The following RPS6KA6 variants were observed in gnomAD, a reference collection of about 807,000 sequenced individuals.
RPS6KA6 encodes the protein ribosomal protein S6 kinase alpha-6.
RPS6KA6 carries 27 observed loss-of-function variants against 65.4 expected under a neutral mutation model. The ratio of observed to expected loss-of-function variants is 0.41; its 90% CI spans 0.30 to 0.57. The LOEUF is 0.57. RPS6KA6 is among the 20% of genes least tolerant of loss of function. The pLI is 0.24. For synonymous variants in RPS6KA6, 190 were observed against 184.2 expected (o/e 1.03, Z -0.26); for missense variants, 486 against 555.6 (o/e 0.87, Z 1.26).
At chrX:84,175,889 C>T (rs2035759227) in intron 1 of RPS6KA6, among the ~76,000 whole-genome samples, 1 of 110,630 alleles carries the variant, frequency 9.0e-6, no homozygotes, top group Non-Finnish European at 1.9e-5. Context: ...TATCTAGTAA[C>T]ACAACACTAT....
At chrX:84,160,074 G>C (rs2035486970) in intron 2 of RPS6KA6, among the ~76,000 whole-genome samples, 1 of 111,217 alleles carries the variant, frequency 9.0e-6, no homozygotes, top group African/African-American at 3.3e-5. Context: ...CATAATCTTA[G>C]CTGATCTTTG....
chrX:84,133,124 A>T (rs2034932144), intron 8 of RPS6KA6, among the ~76,000 whole-genome samples: 1 of 112,062 alleles, frequency 8.9e-6, no homozygotes, highest in African/African-American at 3.2e-5. Context: ...TGTGGGAGTT[A>T]TTTATATTCT....
rs772627561 is a variant in RPS6KA6, at chrX:84,096,327, A to G, written c.1854-16T>C. ...TGGAGTGTAGCTATTAATAAAATAG[A>G]TTTTAATAGACACTAGAGGGTAACA... is the stretch of plus-strand genomic sequence containing the variant. On this transcript the variant is annotated splice_polypyrimidine_tract_variant and intron_variant, in intron 19 of 21. Coordinates refer to ENST00000262752, the MANE Select transcript of RPS6KA6 (RefSeq NM_014496.5). 3 of 885,698 alleles carry G rather than the reference A, an allele frequency of 3.4e-6. No homozygotes were observed. The highest frequency in any genetic ancestry group is 4.7e-6 in the Non-Finnish European group (3 of 633,791). The allele number at this position is 885,698 out of a possible 1,213,427, so 73.0% of individuals were successfully genotyped here.
At chrX:84,152,798 A>G (rs775693438) in intron 3 of RPS6KA6, among the ~76,000 whole-genome samples, 17 of 111,694 alleles carry the variant, frequency 1.5e-4, no homozygotes, top group Non-Finnish European at 2.3e-4. Context: ...TTAATATGTT[A>G]AAGTCCTAAC....
chrX:84,110,426 G>C (rs1404367956), intron 12 of RPS6KA6, among the ~76,000 whole-genome samples: 1 of 112,059 alleles, frequency 8.9e-6, no homozygotes, highest in East Asian at 2.8e-4. Context: ...AAAAAGGTCA[G>C]GGAACCTGGC....
chrX:84,157,626 G>A (rs2035439024), intron 2 of RPS6KA6, among the ~76,000 whole-genome samples: 1 of 110,587 alleles, frequency 9.0e-6, no homozygotes, highest in Non-Finnish European at 1.9e-5. Flanking sequence ...ACATGACAAA[G>A]GGGTTTTGTT....
At chrX:84,111,556 G>A (rs761086137) in intron 12 of RPS6KA6, among the ~76,000 whole-genome samples, 13 of 111,603 alleles carry the variant, frequency 1.2e-4, no homozygotes, top group Non-Finnish European at 2.4e-4. Context: ...TTTAAAAAGT[G>A]CCATCCAAGA....
chrX:84,092,305 T>C (rs1234901247), intron 20 of RPS6KA6, among the ~76,000 whole-genome samples: 1 of 110,243 alleles, frequency 9.1e-6, no homozygotes, highest in East Asian at 2.9e-4. Flanking sequence ...TCAAAATAAC[T>C]AACCATCTGG....
chrX:84,111,422 T>A (rs1209717506), intron 12 of RPS6KA6, among the ~76,000 whole-genome samples: 1 of 110,590 alleles, frequency 9.0e-6, no homozygotes, highest in East Asian at 2.8e-4. Context: ...AAAGAATAAA[T>A]CATAAAAGAA....
intron 8 of RPS6KA6, among the ~76,000 whole-genome samples, chrX:84,130,614 T>C (rs1312163140): frequency 1.8e-5 from 2 of 111,588 alleles, no homozygotes; most frequent in East Asian, 5.7e-4. Context: ...TGCCTCCTCA[T>C]TGAGGAATGG....
intron 20 of RPS6KA6, among the ~76,000 whole-genome samples, chrX:84,077,296 C>T (rs1266479355): frequency 1.8e-5 from 2 of 110,391 alleles, no homozygotes; most frequent in Non-Finnish European, 3.8e-5. Flanking sequence ...AAAACAACAA[C>T]AAAAAAACTC....
chrX:84,071,992 A>T (rs2033554299), intron 20 of RPS6KA6, among the ~76,000 whole-genome samples: 1 of 111,910 alleles, frequency 8.9e-6, no homozygotes, highest in Non-Finnish European at 1.9e-5. Flanking sequence ...TCACTGCTGA[A>T]TTCTTAAGAG....
intron 6 of RPS6KA6, among the ~76,000 whole-genome samples, chrX:84,137,631 C>T (rs933189257): frequency 6.3e-5 from 7 of 111,742 alleles, no homozygotes; most frequent in South Asian, 3.7e-4. Flanking sequence ...ATGGAATATA[C>T]CCTGTAAAAA....
At chrX:84,087,453 C>A (rs1035403883) in intron 20 of RPS6KA6, among the ~76,000 whole-genome samples, 1 of 111,841 alleles carries the variant, frequency 8.9e-6, no homozygotes, top group Non-Finnish European at 1.9e-5. Context: ...GTTGGAAATT[C>A]TTTTCTTTAA....
At chrX:84,137,345 C>T (rs1057012010) in intron 6 of RPS6KA6, among the ~76,000 whole-genome samples, 5 of 111,728 alleles carry the variant, frequency 4.5e-5, no homozygotes, top group Non-Finnish European at 9.4e-5. Flanking sequence ...CTGTAATTTA[C>T]CTAAACATTC....
At chrX:84,111,174 CAA>C (rs59746423) in intron 12 of RPS6KA6, among the ~76,000 whole-genome samples, 59,119 of 107,929 alleles carry the variant, frequency 0.55, 13,530 homozygotes, top group Non-Finnish European at 0.71. Context: ...AAAAAATGAA[CAA>C]AGTCTTTGAG....
At position 84,058,420 on chromosome X, in the gene RPS6KA6, T is replaced by C. The variant is rs763414918; in HGVS notation, c.*5857A>G. On this transcript the variant is annotated 3_prime_UTR_variant, in exon 22 of 22. Transcript: ENST00000262752. ...GTAATTTAACATATCTTGAGAACTG[T>C]TGCTCACAGAGTTTTAACAAGAACA... 2.9e-4 allele frequency: 33 copies of C among 112,337 alleles called. No individual in the cohort carries two copies. Among genetic ancestry groups the C allele is most frequent in the Non-Finnish European group, 5.4e-4 (29 of 53,308 alleles). The allele number at this position is 112,337 out of a possible 1,213,427, so 9.3% of individuals were successfully genotyped here. A position where few individuals can be genotyped will look rare whatever the true frequency, so the allele number is the denominator to read the frequency against.
At chrX:84,087,392 T>C (rs2033949006) in intron 20 of RPS6KA6, among the ~76,000 whole-genome samples, 1 of 111,523 alleles carries the variant, frequency 9.0e-6, no homozygotes, top group Non-Finnish European at 1.9e-5. Context: ...GAAAGAGACC[T>C]TATTTCTCCT....
intron 1 of RPS6KA6, among the ~76,000 whole-genome samples, chrX:84,183,301 T>C (rs2035884764): frequency 9.0e-6 from 1 of 111,631 alleles, no homozygotes; most frequent in Non-Finnish European, 1.9e-5. Context: ...GTAACTATTC[T>C]ACCTCTGCCA....
Sources: gnomAD v4.1 joint callset for allele counts (sites outside exome capture counted in the v4.1 genomes callset) on GRCh38, gnomAD v4.1.1 for gene constraint, MANE v1.5 for transcripts, NCBI Gene and HGNC (gene_info 2026-07-23, HGNC 2026-07-21) for gene names.